Variants in CDH6 observed in about 807,000 individuals in gnomAD.
The protein encoded by CDH6 is cadherin-6.
In CDH6, 31 loss-of-function variants were observed where a neutral mutation model predicts 78.0. The ratio of observed to expected loss-of-function variants is 0.40; its 90% CI spans 0.30 to 0.54. The LOEUF is 0.54. Ranked by LOEUF, CDH6 falls within the 20% of genes least tolerant of loss-of-function variation. The pLI, the probability that CDH6 is intolerant of heterozygous loss-of-function variation, is 0.56. For missense variants in CDH6, 724 were observed against 975.9 expected, an observed-to-expected ratio of 0.74 and a Z score of 3.44; for synonymous variants, 376 against 368.8, an observed-to-expected ratio of 1.02 and a Z score of -0.23.
intron 1 of CDH6, among the ~76,000 whole-genome samples, chr5:31,242,736 T>A (rs1741641280): frequency 6.6e-6 from 1 of 151,220 alleles, no homozygotes; most frequent in African/African-American, 2.4e-5. Context: ...ATATACCACA[T>A]TTTGGTCATG....
intron 11 of CDH6, 143 bp downstream of exon 11, chr5:31,318,067 G>A (rs758992053): frequency 2.0e-6 from 2 of 1,003,796 alleles, no homozygotes; most frequent in Non-Finnish European, 3.1e-6. Context: ...AATCTGTGCT[G>A]TACGATGTGA....
At chr5:31,278,747 A>G (rs181894799) in intron 2 of CDH6, among the ~76,000 whole-genome samples, 2 of 152,314 alleles carry the variant, frequency 1.3e-5, no homozygotes, top group Admixed American at 6.5e-5. Context: ...AACCAACTAT[A>G]TATCTTTTAA....
At chr5:31,285,023 A>C (rs939547730) in intron 2 of CDH6, among the ~76,000 whole-genome samples, 3 of 152,224 alleles carry the variant, frequency 2.0e-5, no homozygotes, top group South Asian at 4.1e-4. Context: ...TAAATTACTG[A>C]GTTGATATTC....
At chr5:31,285,194 G>T (rs1425014194) in intron 2 of CDH6, among the ~76,000 whole-genome samples, 3 of 152,150 alleles carry the variant, frequency 2.0e-5, no homozygotes, top group African/African-American at 2.4e-5. Context: ...TTCTATTTTT[G>T]CTGACTTTAT....
At chr5:31,317,161 A>G (rs1388495422) in intron 9 of CDH6, among the ~76,000 whole-genome samples, 1 of 152,184 alleles carries the variant, frequency 6.6e-6, no homozygotes, top group Non-Finnish European at 1.5e-5. Context: ...CCTACAATGC[A>G]CAGGACATCC....
intron 2 of CDH6, among the ~76,000 whole-genome samples, chr5:31,283,150 G>A (rs976973646): frequency 5.9e-5 from 9 of 152,184 alleles, no homozygotes; most frequent in African/African-American, 2.2e-4. Context: ...GACGCTACTG[G>A]CACCTAGTAG....
At chr5:31,214,245 T>A (rs1740803195) in intron 1 of CDH6, among the ~76,000 whole-genome samples, 2 of 151,704 alleles carry the variant, frequency 1.3e-5, no homozygotes, top group Admixed American at 1.3e-4. Flanking sequence ...AACAACTCAA[T>A]CACTCTTGTT....
chr5:31,224,505 C>T (rs749986679), intron 1 of CDH6, among the ~76,000 whole-genome samples: 3 of 152,162 alleles, frequency 2.0e-5, no homozygotes, highest in Non-Finnish European at 4.4e-5. Flanking sequence ...CTAGAAGACA[C>T]AGTTAATCTC....
At chr5:31,206,134 T>C (rs1015424596) in intron 1 of CDH6, among the ~76,000 whole-genome samples, 13 of 133,876 alleles carry the variant, frequency 9.7e-5, no homozygotes, top group African/African-American at 3.1e-4. Context: ...AATAGATAGA[T>C]GACAGATAGA....
rs1039776712 is a variant in CDH6 at position 31,294,936 on chromosome 5, C to T, written c.523+680C>T. ...AAGAAAAAGAATTCTACTGACATCA[C>T]TCTTAGCCACATTGAAATACTTCAT... On this transcript the variant is annotated intron_variant, in intron 3 of 11. Coordinates refer to ENST00000265071, the MANE Select transcript of CDH6 (RefSeq NM_004932.4). This position sits in a 1 kb window ranked among gnomAD's most constrained non-coding sequence, Gnocchi z 4.1. Among the ~76,000 whole-genome samples the T allele has an allele frequency of 2.0e-5, 3 of 152,188 alleles. No homozygotes were observed. Among genetic ancestry groups the T allele is most frequent in the Non-Finnish European group, 2.9e-5 (2 of 68,020 alleles).
chr5:31,221,504 CT>C (rs34147211), intron 1 of CDH6, among the ~76,000 whole-genome samples: 4 of 152,240 alleles, frequency 2.6e-5, no homozygotes, highest in South Asian at 4.2e-4. Context: ...AAGATTTTAT[CT>C]TTTTTTCAAT....
In CDH6 at chr5:31,244,794, G is replaced by A. The variant is rs552907379; in HGVS notation, c.-128-22552G>A. ...TAGGAAAGCAGCCCCAACCTGAATA[G>A]AACCATCTATGCCTGGGGCAAGGTA... On this transcript the variant is annotated intron_variant, in intron 1 of 11. Coordinates refer to ENST00000265071, the MANE Select transcript of CDH6 (RefSeq NM_004932.4). Among the ~76,000 whole-genome samples the A allele has an allele frequency of 4.3e-4, 66 of 152,288 alleles. 1 individual carries two copies. The South Asian group carries it at 6.0e-3, about 14-fold the overall frequency.
chr5:31,239,020 C>T (rs1741527427), intron 1 of CDH6, among the ~76,000 whole-genome samples: 1 of 152,204 alleles, frequency 6.6e-6, no homozygotes, highest in Admixed American at 6.5e-5. Flanking sequence ...GTTCATCCTT[C>T]ATAAAATAAT....
At chr5:31,272,135 G>A (rs1579870437) in intron 2 of CDH6, among the ~76,000 whole-genome samples, 1 of 152,166 alleles carries the variant, frequency 6.6e-6, no homozygotes, top group South Asian at 2.1e-4. Flanking sequence ...TCTAAAGACA[G>A]AGCCGGTGTT....
At chr5:31,210,524 T>TGAAGTAC (rs1740673595) in intron 1 of CDH6, among the ~76,000 whole-genome samples, 1 of 151,836 alleles carries the variant, frequency 6.6e-6, no homozygotes, top group Admixed American at 6.6e-5. Context: ...TAAATAAGTA[T>TGAAGTAC]TGCTGATACT....
At chr5:31,230,634 C>T (rs992984761) in intron 1 of CDH6, among the ~76,000 whole-genome samples, 3 of 152,048 alleles carry the variant, frequency 2.0e-5, no homozygotes, top group African/African-American at 7.2e-5. Flanking sequence ...ACAAATCCTC[C>T]GTGCAAAAAT....
rs2302904 is a variant in CDH6, at chr5:31,317,387, C to T, written c.1525C>T (p.Leu509=). Residue 509 remains leucine, a synonymous_variant, in exon 10 of 12, where the codon CTG becomes TTG. Coordinates refer to ENST00000265071, the MANE Select transcript of CDH6 (RefSeq NM_004932.4). The part of the protein sequence containing the change: ...KAKADQLIQT[L]HAVDKDDPYS... ...GTTTTTCTCTTAGTTGATTCAGACC[C>T]TGCATGCTGTTGACAAGGATGACCC... The T allele has an allele frequency of 0.53, 808,817 of 1,538,908 alleles. 216,835 individuals carry two copies. The highest frequency in any genetic ancestry group is 0.54 in the East Asian group (24,169 of 44,470).
chr5:31,199,685 GTATATATA>G (rs1554035032), intron 1 of CDH6, among the ~76,000 whole-genome samples: 1 of 79,852 alleles, frequency 1.3e-5, no homozygotes, highest in Non-Finnish European at 2.4e-5. Flanking sequence ...GTGTGTGTGT[GTATATATA>G]TATATATATA....
intron 7 of CDH6, among the ~76,000 whole-genome samples, chr5:31,310,274 G>T (rs537925456): frequency 9.2e-5 from 14 of 152,304 alleles, no homozygotes; most frequent in East Asian, 5.8e-4. Flanking sequence ...AAATCCTAAG[G>T]TTCCAAAATA....
Sources: gnomAD v4.1 joint callset for allele counts (sites outside exome capture counted in the v4.1 genomes callset) on GRCh38, gnomAD v4.1.1 for gene constraint, Gnocchi (gnomAD v3.1) non-coding constraint, MANE v1.5 for transcripts, NCBI Gene and HGNC (gene_info 2026-07-23, HGNC 2026-07-21) for gene names.